The following RANBP2 variants were observed in gnomAD, a reference collection of about 807,000 sequenced individuals.
RANBP2 encodes the protein E3 SUMO-protein ligase RanBP2.
A neutral mutation model predicts 303.6 loss-of-function variants in RANBP2; 57 were observed. The observed-to-expected ratio is 0.19, with a 90% CI of 0.15 to 0.23. The LOEUF (loss-of-function observed/expected upper bound fraction) is 0.23. Ranked by LOEUF, RANBP2 falls within the 10% of genes least tolerant of loss-of-function variation. The pLI, the probability that RANBP2 is intolerant of heterozygous loss-of-function variation, is 1.00. For synonymous variants in RANBP2, 1,167 were observed against 1,301.5 expected (o/e 0.90, Z 2.23); for missense variants, 3,138 against 3,780.8 (o/e 0.83, Z 4.46).
At chr2:109,514,577 C>T in the RANBP2 span, among the ~76,000 whole-genome samples, 4 of 152,168 alleles carry the variant, frequency 2.6e-5, no homozygotes, top group Non-Finnish European at 4.4e-5. Flanking sequence ...CCAGGGCCGT[C>T]CCTAGAGTTG....
At chr2:109,524,866 G>A in the RANBP2 span, among the ~76,000 whole-genome samples, 1 of 151,980 alleles carries the variant, frequency 6.6e-6, no homozygotes, top group South Asian at 2.1e-4. Context: ...TAGAAAAGAA[G>A]GGAAAAGAAT....
the RANBP2 span, among the ~76,000 whole-genome samples, chr2:108,897,758 A>G: frequency 6.6e-6 from 1 of 152,208 alleles, no homozygotes; most frequent in Admixed American, 6.5e-5. Context: ...CTCACCTAGG[A>G]GCATTTAAAA....
the RANBP2 span, among the ~76,000 whole-genome samples, chr2:108,797,090 C>G: frequency 6.6e-6 from 1 of 152,102 alleles, no homozygotes; most frequent in Non-Finnish European, 1.5e-5. Context: ...AAGATCTGAG[C>G]AGTTGTAGGT....
chr2:108,772,956 A>G lies in RANBP2; in HGVS notation c.8202A>G (p.Thr2734=), dbSNP rs142190427. ...AKADTLKLPP[T]FFCGVCSDTD... ...CAGATACGTTAAAACTTCCACCTACATTTTTTTGTGGAGTCTGTAGTGATA... is the reference window on the plus strand; with the variant it reads ...CAGATACGTTAAAACTTCCACCTACGTTTTTTTGTGGAGTCTGTAGTGATA... Residue 2734 remains threonine, a synonymous_variant, in exon 23 of 29, where the codon ACA becomes ACG. Coordinates refer to ENST00000283195, the MANE Select transcript of RANBP2 (RefSeq NM_006267.5). 1.6e-5 allele frequency: 26 copies of G among 1,613,908 alleles called. No individual in the cohort carries two copies. Among genetic ancestry groups the G allele is most frequent in the Non-Finnish European group, 2.0e-5 (24 of 1,179,946 alleles).
intron 4 of RANBP2, among the ~76,000 whole-genome samples, chr2:108,732,885 G>A (rs182412493): frequency 5.6e-4 from 86 of 152,222 alleles, no homozygotes; most frequent in Middle Eastern, 3.4e-3. Flanking sequence ...GTTCACTGGC[G>A]CAATCTTGGC....
At chr2:109,613,842 G>A in the RANBP2 span, 4 of 1,236,640 alleles carry the variant, frequency 3.2e-6, no homozygotes, top group Non-Finnish European at 4.0e-6. Flanking sequence ...GCGGGCAGGG[G>A]CACGGTGAAG....
the RANBP2 span, among the ~76,000 whole-genome samples, chr2:109,038,926 A>G: frequency 3.9e-5 from 6 of 152,220 alleles, no homozygotes; most frequent in African/African-American, 1.4e-4. Flanking sequence ...ATTATTAAAG[A>G]GGTTGAATGT....
chr2:108,928,483 G>A, the RANBP2 span, among the ~76,000 whole-genome samples: 7 of 152,108 alleles, frequency 4.6e-5, no homozygotes, highest in African/African-American at 9.7e-5. Context: ...CCTCATCACT[G>A]CCATCACCTC....
chr2:109,155,977 T>C, the RANBP2 span, among the ~76,000 whole-genome samples: 3 of 152,222 alleles, frequency 2.0e-5, no homozygotes, highest in African/African-American at 7.2e-5. Flanking sequence ...GTCACTGAGC[T>C]CTGCAGGGAT....
At chr2:109,137,751 C>G in the RANBP2 span, among the ~76,000 whole-genome samples, 3 of 152,340 alleles carry the variant, frequency 2.0e-5, no homozygotes, top group East Asian at 3.9e-4. Context: ...CACCACCCGT[C>G]CTGATCAGCC....
At chr2:109,468,857 A>C in the RANBP2 span, among the ~76,000 whole-genome samples, 2 of 137,294 alleles carry the variant, frequency 1.5e-5, no homozygotes, top group Admixed American at 7.1e-5. Flanking sequence ...CTGTCTCAGA[A>C]AAAAAAAAAA....
Position 108,755,077 on chromosome 2 carries a change from G to A in RANBP2, c.2375G>A (p.Ser792Asn). 1 of 1,611,864 alleles carries A rather than the reference G, an allele frequency of 6.2e-7. No homozygotes were observed. The highest frequency in any genetic ancestry group is 8.5e-7 in the Non-Finnish European group (1 of 1,179,824). Reference protein sequence around the residue: ...PTRYSLSPSKSYKYSPKTPPR... With the variant: ...PTRYSLSPSKNYKYSPKTPPR... ...AGATATTCACTATCACCAAGTAAAAGTTACAAGGTAAACAGGAAAGAATGG... is the reference window on the plus strand; with the variant it reads ...AGATATTCACTATCACCAAGTAAAAATTACAAGGTAAACAGGAAAGAATGG... Residue 792 changes from serine (S) to asparagine (N), a missense_variant, in exon 16 of 29, where the codon AGT (serine) becomes AAT (asparagine). Transcript: ENST00000283195.
the RANBP2 span, among the ~76,000 whole-genome samples, chr2:109,340,756 C>A: frequency 6.6e-6 from 1 of 152,170 alleles, no homozygotes; most frequent in African/African-American, 2.4e-5. Flanking sequence ...CACGGAAGGG[C>A]AGATTTGATT....
At chr2:109,268,146 C>G in the RANBP2 span, among the ~76,000 whole-genome samples, 1 of 151,952 alleles carries the variant, frequency 6.6e-6, no homozygotes, top group East Asian at 1.9e-4. Flanking sequence ...TTGGTCGTCA[C>G]TTTTGCTGAT....
At chr2:109,379,279 A>C in the RANBP2 span, among the ~76,000 whole-genome samples, 2 of 152,218 alleles carry the variant, frequency 1.3e-5, no homozygotes, top group East Asian at 3.8e-4. Context: ...CCAGGGCTCA[A>C]TCTCTCCAGC....
the RANBP2 span, among the ~76,000 whole-genome samples, chr2:109,367,615 T>C: frequency 6.6e-6 from 1 of 152,246 alleles, no homozygotes; most frequent in East Asian, 1.9e-4. Flanking sequence ...ATTTCTCTTT[T>C]AATTTCCATT....
the RANBP2 span, among the ~76,000 whole-genome samples, chr2:108,831,355 T>C: frequency 6.6e-6 from 1 of 152,206 alleles, no homozygotes; most frequent in African/African-American, 2.4e-5. Context: ...TGAGGACCAT[T>C]GTTACTTTTT....
chr2:109,627,601 C>T, the RANBP2 span, among the ~76,000 whole-genome samples: 22 of 152,224 alleles, frequency 1.4e-4, no homozygotes, highest in African/African-American at 4.8e-4. Flanking sequence ...GTGTAACCAG[C>T]ACCCAGAACA....
the RANBP2 span, among the ~76,000 whole-genome samples, chr2:108,855,711 A>G: frequency 6.6e-6 from 1 of 152,224 alleles, no homozygotes; most frequent in Non-Finnish European, 1.5e-5. Flanking sequence ...AAATAGTTTC[A>G]TATGTATTTT....
Sources: gnomAD v4.1 joint callset for allele counts (sites outside exome capture counted in the v4.1 genomes callset) on GRCh38, gnomAD v4.1.1 for gene constraint, MANE v1.5 for transcripts, NCBI Gene and HGNC (gene_info 2026-07-23, HGNC 2026-07-21) for gene names.